HEATR5A: variants seen among roughly 807,000 people sequenced by gnomAD.
HEATR5A encodes the protein HEAT repeat containing 5A, also known as HEAT repeat-containing protein 5A.
HEATR5A carries 178 observed loss-of-function variants against 218.8 expected under a neutral mutation model. The observed-to-expected ratio is 0.81, with a 90% CI of 0.72 to 0.92. The LOEUF (loss-of-function observed/expected upper bound fraction) is 0.92, where lower values mean the gene tolerates loss of function less well. Ranked by LOEUF, HEATR5A falls within the 40% of genes least tolerant of loss-of-function variation. The pLI is 0.00. For synonymous variants in HEATR5A, 864 were observed against 871.6 expected, an observed-to-expected ratio of 0.99 and a Z score of 0.15; for missense variants, 2,420 against 2,418.9, an observed-to-expected ratio of 1.00 and a Z score of -0.01.
chr14:31,367,113 T>G (rs1901832123), intron 13 of HEATR5A, among the ~76,000 whole-genome samples: 1 of 152,080 alleles, frequency 6.6e-6, no homozygotes, highest in Admixed American at 6.6e-5. Flanking sequence ...AGGACAAAAT[T>G]CAGTAAGGTG....
In HEATR5A at chr14:31,364,257, G is replaced by A. The variant is rs201317895; in HGVS notation, c.2003C>T (p.Thr668Ile). Reference sequence around the variant, plus strand: ...TCTTTGTCTATAAACCACTGACGGTGTTTTCAAAGGACTTCCATACATTTT... The same window carrying A: ...TCTTTGTCTATAAACCACTGACGGTATTTTCAAAGGACTTCCATACATTTT... ...ILKMYGSPLK[T>I]PSVVYRQRLY... The change falls in exon 14 of 36, where the codon ACA becomes ATA. Residue 668 changes from threonine to isoleucine, a missense_variant. Coordinates refer to ENST00000543095, the MANE Select transcript of HEATR5A (RefSeq NM_015473.4). 477 of 1,551,104 alleles carry A rather than the reference G, an allele frequency of 3.1e-4. No homozygotes were observed. The highest frequency in any genetic ancestry group is 3.6e-4 in the Non-Finnish European group (413 of 1,144,166).
intron 1 of HEATR5A, among the ~76,000 whole-genome samples, chr14:31,406,977 CA>C (rs58202101): frequency 0.018 from 1,327 of 74,568 alleles, 16 homozygotes; most frequent in Middle Eastern, 0.061. Context: ...ACCTCTGTCT[CA>C]AAAAAAAAAA....
At chr14:31,353,815 T>G (rs1901317553) in intron 16 of HEATR5A, among the ~76,000 whole-genome samples, 1 of 133,192 alleles carries the variant, frequency 7.5e-6, no homozygotes, top group South Asian at 2.3e-4. Flanking sequence ...TTTGTTTTTT[T>G]TTGAGATGGA....
chr14:31,383,310 A>G (rs1171153640), intron 10 of HEATR5A, among the ~76,000 whole-genome samples: 1 of 152,204 alleles, frequency 6.6e-6, no homozygotes, highest in Non-Finnish European at 1.5e-5. Context: ...CACAAATAAT[A>G]CCACTAACTA....
intron 31 of HEATR5A, among the ~76,000 whole-genome samples, chr14:31,305,866 T>C (rs917470670): frequency 2.0e-5 from 3 of 152,196 alleles, no homozygotes; most frequent in African/African-American, 7.2e-5. Flanking sequence ...CTAGACTGCC[T>C]ATCTCTGGCC....
intron 13 of HEATR5A, among the ~76,000 whole-genome samples, chr14:31,367,016 G>GT (rs1331602027): frequency 6.6e-6 from 1 of 152,148 alleles, no homozygotes; most frequent in Non-Finnish European, 1.5e-5. Context: ...TCAAATGGCA[G>GT]TTATCTAATA....
intron 8 of HEATR5A, among the ~76,000 whole-genome samples, chr14:31,386,902 GAT>G (rs1340845376): frequency 2.6e-5 from 4 of 152,180 alleles, no homozygotes; most frequent in African/African-American, 9.7e-5. Context: ...TGATATTCGA[GAT>G]AAGCAGAGTA....
At chr14:31,308,700 A>G (rs946542188) in intron 29 of HEATR5A, among the ~76,000 whole-genome samples, 2 of 152,044 alleles carry the variant, frequency 1.3e-5, no homozygotes, top group Non-Finnish European at 2.9e-5. Context: ...TTTTTATTAA[A>G]TTCTCGTAAT....
chr14:31,400,825 T>C (rs1417564157), intron 2 of HEATR5A, among the ~76,000 whole-genome samples: 13 of 140,814 alleles, frequency 9.2e-5, no homozygotes, highest in Non-Finnish European at 1.5e-5. Flanking sequence ...CAGAGCAAAT[T>C]TGTATTATTA....
At chr14:31,381,208 A>G (rs1312109076) in intron 10 of HEATR5A, among the ~76,000 whole-genome samples, 1 of 152,170 alleles carries the variant, frequency 6.6e-6, no homozygotes, top group African/African-American at 2.4e-5. Context: ...AGATTATGCC[A>G]CTGAAACTCC....
chr14:31,373,884 C>T (rs1330649414), intron 12 of HEATR5A, among the ~76,000 whole-genome samples: 3 of 152,110 alleles, frequency 2.0e-5, no homozygotes, highest in African/African-American at 7.2e-5. Context: ...AGGATGAAGA[C>T]CTTTATGATG....
At chr14:31,374,681 G>T in intron 12 of HEATR5A, 135 bp downstream of exon 12, 2 of 724,774 alleles carry the variant, frequency 2.8e-6, no homozygotes, top group Non-Finnish European at 4.4e-6. Context: ...TAATTTTTTT[G>T]TTCAGTTACA....
intron 2 of HEATR5A, among the ~76,000 whole-genome samples, chr14:31,401,007 T>G (rs574695237): frequency 3.3e-5 from 5 of 152,086 alleles, no homozygotes; most frequent in South Asian, 4.2e-4. Flanking sequence ...GCCCGGCTAA[T>G]TTTTTGTATT....
At position 31,337,481 on chromosome 14, in the gene HEATR5A, GT is replaced by G; in HGVS notation, c.3361del (p.Thr1121LeufsTer16). The G allele has an allele frequency of 6.5e-7, 1 of 1,550,340 alleles. No individual in the cohort carries two copies. Among genetic ancestry groups the G allele is most frequent in the Middle Eastern group, 1.7e-4 (1 of 5,984 alleles). On this transcript the variant is annotated frameshift_variant, in exon 22 of 36. Transcript: ENST00000543095. LOFTEE classifies it high-confidence loss of function. ...MLAKDSREEL[T>X]PDANIREVGL... ...ATCTTGATCAAGAGAATTACCTGGA[GT>G]CAACTCTTCTCTGCTATCCTTAGCA...
chr14:31,371,300 A>G (rs1372103171), intron 13 of HEATR5A, among the ~76,000 whole-genome samples: 3 of 152,194 alleles, frequency 2.0e-5, no homozygotes, highest in South Asian at 2.1e-4. Context: ...CTTATAAGCC[A>G]TATCTTAAAT....
intron 24 of HEATR5A, 23 bp downstream of exon 24, chr14:31,323,535 ATTTGGTG>A: frequency 6.5e-7 from 1 of 1,536,924 alleles, no homozygotes; most frequent in Non-Finnish European, 8.8e-7. Flanking sequence ...TACACATATC[ATTTGGTG>A]TTTTCATCAC....
chr14:31,390,447 A>C (rs769199744), intron 6 of HEATR5A, among the ~76,000 whole-genome samples: 2 of 152,192 alleles, frequency 1.3e-5, no homozygotes, highest in African/African-American at 2.4e-5. Context: ...AAGGTGGTTA[A>C]AGTGAAGTGG....
At position 31,311,682 on chromosome 14, in the gene HEATR5A, T is replaced by TA. The variant is rs879635369; in HGVS notation, c.4441+1285dup. Among the ~76,000 whole-genome samples the TA allele has an allele frequency of 2.5e-3, 372 of 146,796 alleles. 8 individuals carry two copies. The highest frequency in any genetic ancestry group is 0.023 in the Admixed American group (337 of 14,974). ...GAATAGTGTTGTGTATATATATATA[T>TA]ATAAAAAAGATTAAACAATCAGGAA... On this transcript the variant is annotated intron_variant, in intron 28 of 35. Transcript: ENST00000543095.
intron 4 of HEATR5A, among the ~76,000 whole-genome samples, chr14:31,397,358 T>C (rs1288872144): frequency 2.0e-5 from 3 of 152,014 alleles, no homozygotes; most frequent in Non-Finnish European, 4.4e-5. Flanking sequence ...TAAATATTTT[T>C]TAAGAGACAC....
Sources: allele counts gnomAD v4.1 joint callset (sites outside exome capture counted in the v4.1 genomes callset), GRCh38; gene constraint gnomAD v4.1.1; transcripts MANE v1.5; gene names NCBI Gene and HGNC (gene_info 2026-07-23, HGNC 2026-07-21).